Variants in P2RY12 observed in about 807,000 individuals in gnomAD.
The protein encoded by P2RY12 is P2Y purinoceptor 12.
In P2RY12, 3 loss-of-function variants were observed where a neutral mutation model predicts 4.5. That is an observed-to-expected ratio of 0.67 (90% confidence interval 0.31 to 1.74). The LOEUF is 1.74. P2RY12 is among the 40% of genes most tolerant of loss of function. The pLI is 0.09. For missense variants in P2RY12, 356 were observed against 407.8 expected (o/e 0.87, Z 1.09); for synonymous variants, 148 against 154.1 (o/e 0.96, Z 0.29).
chr3:151,368,677 G>T (rs28624278), intron 1 of P2RY12, among the ~76,000 whole-genome samples: 1,169 of 94,292 alleles, frequency 0.012, 23 homozygotes, highest in Non-Finnish European at 0.016. Flanking sequence ...TTCATTTCAT[G>T]TCATTTCATT....
chr3:151,376,339 C>G (rs1463814128), intron 1 of P2RY12: 2 of 765,698 alleles, frequency 2.6e-6, no homozygotes, highest in Non-Finnish European at 3.8e-6. Flanking sequence ...TATTCCCACA[C>G]ATTTTCTGTG....
chr3:151,381,723 T>C (rs1712382867), intron 1 of P2RY12, among the ~76,000 whole-genome samples: 1 of 152,196 alleles, frequency 6.6e-6, no homozygotes, highest in Non-Finnish European at 1.5e-5. Flanking sequence ...GTTTTATTTG[T>C]CCCACTACTA....
At chr3:151,380,071 T>C (rs1711981217) in intron 1 of P2RY12, 1 of 1,244,782 alleles carries the variant, frequency 8.0e-7, no homozygotes, top group African/African-American at 1.5e-5. Flanking sequence ...AGTAATGCAT[T>C]ATTTCTAACT....
At chr3:151,354,128 G>A (rs1753621975) in intron 1 of P2RY12, among the ~76,000 whole-genome samples, 2 of 105,764 alleles carry the variant, frequency 1.9e-5, no homozygotes, top group South Asian at 3.7e-4. Context: ...GCGACAGAGC[G>A]AGACTCCGTC....
intron 1 of P2RY12, among the ~76,000 whole-genome samples, chr3:151,366,522 A>G (rs1755294233): frequency 6.6e-6 from 1 of 152,204 alleles, no homozygotes; most frequent in Admixed American, 6.5e-5. Flanking sequence ...CCTTGTATAT[A>G]TCACTGACTT....
intron 1 of P2RY12, among the ~76,000 whole-genome samples, chr3:151,363,367 C>T (rs549491405): frequency 5.9e-5 from 9 of 152,154 alleles, no homozygotes; most frequent in South Asian, 4.1e-4. Flanking sequence ...TTATCTGAAC[C>T]ACCATTCATA....
rs1171959802 is a variant in P2RY12, at chr3:151,338,305, C to T, written c.541G>A (p.Glu181Lys). 6.2e-7 allele frequency: 1 copy of T among 1,613,976 alleles called. No individual in the cohort carries two copies. Among genetic ancestry groups the T allele is most frequent in the African/African-American group, 1.3e-5 (1 of 74,896 alleles). The change falls in exon 3 of 3, where the codon GAG (glutamate) becomes AAG (lysine). Residue 181 changes from glutamate to lysine, a missense_variant. By Grantham distance (56) the Glu-to-Lys change is moderately conservative (BLOSUM62 1). Coordinates refer to ENST00000302632, the MANE Select transcript of P2RY12 (RefSeq NM_022788.5). ...ATTTCATGCCAGACTAGACCGAACT[C>T]TGATTTAAGGAAAGAGCATTTCTTC... is the stretch of plus-strand genomic sequence containing the variant. The part of the protein sequence containing the change: ...NVKKCSFLKS[E>K]FGLVWHEIVN...
chr3:151,341,353 A>G (rs1233971615), intron 1 of P2RY12, among the ~76,000 whole-genome samples: 2 of 152,130 alleles, frequency 1.3e-5, no homozygotes, highest in African/African-American at 4.8e-5. Flanking sequence ...CAGGCTTATT[A>G]TATACTGTGT....
intron 1 of P2RY12, chr3:151,357,192 C>A: frequency 6.4e-7 from 1 of 1,556,972 alleles, no homozygotes; most frequent in South Asian, 1.2e-5. Flanking sequence ...CATGTTTATT[C>A]AGTCTTTTCT....
chr3:151,351,941 CATT>C (rs1249793556), intron 1 of P2RY12, among the ~76,000 whole-genome samples: 7 of 152,282 alleles, frequency 4.6e-5, no homozygotes, highest in Admixed American at 6.5e-5. Flanking sequence ...AAGCGAAAAA[CATT>C]GTTGTTCTGT....
At chr3:151,355,939 G>A (rs1381681067) in intron 1 of P2RY12, 1 of 1,613,962 alleles carries the variant, frequency 6.2e-7, no homozygotes, top group Admixed American at 1.7e-5. Context: ...TTTGCGTCAG[G>A]AACATCCTAT....
chr3:151,371,048 T>A (rs1424530142), intron 1 of P2RY12, among the ~76,000 whole-genome samples: 1 of 152,230 alleles, frequency 6.6e-6, no homozygotes, highest in East Asian at 1.9e-4. Flanking sequence ...GCAGAAGGCC[T>A]GGCACAGACT....
chr3:151,360,847 T>C (rs1315895680), intron 1 of P2RY12, among the ~76,000 whole-genome samples: 1 of 152,130 alleles, frequency 6.6e-6, no homozygotes, highest in Admixed American at 6.6e-5. Context: ...AATATTGAAA[T>C]GATGTTAGGT....
At chr3:151,375,088 G>A (rs1482974712) in intron 1 of P2RY12, among the ~76,000 whole-genome samples, 3 of 152,212 alleles carry the variant, frequency 2.0e-5, no homozygotes, top group Admixed American at 1.3e-4. Flanking sequence ...TTGTGTGTTG[G>A]TTCCCAACTG....
At chr3:151,360,717 A>G (rs1754502764) in intron 1 of P2RY12, 10 of 981,652 alleles carry the variant, frequency 1.0e-5, no homozygotes, top group East Asian at 2.5e-5. Context: ...AATTGTATCT[A>G]TTAGGCAGTA....
chr3:151,384,438 T>C, intron 1 of P2RY12, among the ~76,000 whole-genome samples: 1 of 152,238 alleles, frequency 6.6e-6, no homozygotes, highest in East Asian at 1.9e-4. Context: ...TAAAACATGT[T>C]TAATTTTTTA....
chr3:151,372,234 A>C (rs933043287), intron 1 of P2RY12, among the ~76,000 whole-genome samples: 9 of 152,222 alleles, frequency 5.9e-5, no homozygotes, highest in Non-Finnish European at 1.3e-4. Context: ...AATGAATTTG[A>C]ATACATTCAT....
chr3:151,351,992 G>A (rs1753292186), intron 1 of P2RY12, among the ~76,000 whole-genome samples: 1 of 152,142 alleles, frequency 6.6e-6, no homozygotes, highest in Non-Finnish European at 1.5e-5. Context: ...TTCCTTATAC[G>A]AAGTGCTTGG....
chr3:151,339,744 G>T (rs1266611515), intron 2 of P2RY12, among the ~76,000 whole-genome samples: 4 of 151,774 alleles, frequency 2.6e-5, no homozygotes, highest in African/African-American at 7.3e-5. Flanking sequence ...GTGTGTAATG[G>T]TAGCTAAAAT....
Sources: allele counts gnomAD v4.1 joint callset (sites outside exome capture counted in the v4.1 genomes callset), GRCh38; gene constraint gnomAD v4.1.1; transcripts MANE v1.5; gene names NCBI Gene and HGNC (gene_info 2026-07-23, HGNC 2026-07-21).